The following CIDEA variants were observed in gnomAD, a reference collection of about 807,000 sequenced individuals.
The protein encoded by CIDEA is lipid transferase CIDEA.
CIDEA carries 10 observed loss-of-function variants against 18.2 expected under a neutral mutation model. That is an observed-to-expected ratio of 0.55 (90% CI 0.34 to 0.93). CIDEA has a LOEUF of 0.93. CIDEA is among the 40% of genes least tolerant of loss of function. The pLI, the probability that CIDEA is intolerant of heterozygous loss-of-function variation, is 0.02. For missense variants in CIDEA, 309 were observed against 293.1 expected (o/e 1.05, Z -0.40); for synonymous variants, 128 against 124.8 (o/e 1.03, Z -0.17).
intron 1 of CIDEA, among the ~76,000 whole-genome samples, chr18:12,255,998 G>A (rs749602934): frequency 6.6e-6 from 1 of 152,050 alleles, no homozygotes; most frequent in African/African-American, 2.4e-5. Flanking sequence ...AAATCTACCT[G>A]CTTCCAGGCT....
In CIDEA at chr18:12,255,056, G is replaced by A. The variant is rs530662116; in HGVS notation, c.38+635G>A. 14 of 700,108 alleles carry A rather than the reference G, an allele frequency of 2.0e-5. No individual in the cohort carries two copies. In the African/African-American group the frequency reaches 2.4e-4, roughly 12 times the overall value. The allele number at this position is 700,108 out of a possible 1,614,324, so 43.4% of individuals were successfully genotyped here. ...GGACAAGGGGCGGGTGGACCCTGAGGAGTCTTCCCTGCGCTTCGCACCCGC... is the reference window on the plus strand; with the variant it reads ...GGACAAGGGGCGGGTGGACCCTGAGAAGTCTTCCCTGCGCTTCGCACCCGC... On this transcript the variant is annotated intron_variant, in intron 1 of 4. Transcript: ENST00000320477.
At chr18:12,260,169 T>A (rs1266767193) in intron 1 of CIDEA, among the ~76,000 whole-genome samples, 1 of 150,948 alleles carries the variant, frequency 6.6e-6, no homozygotes, top group African/African-American at 2.5e-5. Context: ...AGGTTTTTGG[T>A]CTGTTTTTTG....
intron 1 of CIDEA, among the ~76,000 whole-genome samples, chr18:12,258,974 G>A (rs1052842076): frequency 1.3e-5 from 2 of 152,232 alleles, no homozygotes; most frequent in Non-Finnish European, 2.9e-5. Context: ...CCAGGAGTGA[G>A]AGTGTGCCCG....
intron 3 of CIDEA, among the ~76,000 whole-genome samples, chr18:12,270,867 GTTTTC>G (rs1445517649): frequency 1.1e-4 from 12 of 106,612 alleles, no homozygotes; most frequent in Admixed American, 3.5e-4. Flanking sequence ...ACCTCTGTTT[GTTTTC>G]TTTTCTTTTT....
At chr18:12,257,718 G>A (rs1205211395) in intron 1 of CIDEA, among the ~76,000 whole-genome samples, 1 of 152,180 alleles carries the variant, frequency 6.6e-6, no homozygotes, top group Admixed American at 6.5e-5. Flanking sequence ...CCTGTTAGAG[G>A]GTTATTTCCC....
Position 12,274,256 on chromosome 18 carries a change from G to T in CIDEA, c.494G>T (p.Gly165Val), listed in dbSNP as rs760460902. 1 of 1,614,144 alleles carries T rather than the reference G, an allele frequency of 6.2e-7. No homozygotes were observed. Among genetic ancestry groups the T allele is most frequent in the South Asian group, 1.1e-5 (1 of 91,068 alleles). ...GTGTCCTACGACATCCGGTGCACGGGACTCAAGGGCCTGCTGAGGTAACAC... is the reference window on the plus strand; with the variant it reads ...GTGTCCTACGACATCCGGTGCACGGTACTCAAGGGCCTGCTGAGGTAACAC... ...YSVSYDIRCT[G>V]LKGLLRSLLR... The change falls in exon 4 of 5, where the codon GGA (glycine) becomes GTA (valine). Residue 165 changes from glycine to valine, a missense_variant. Transcript: ENST00000320477.
intron 3 of CIDEA, among the ~76,000 whole-genome samples, chr18:12,267,779 G>A (rs765592613): frequency 3.3e-5 from 5 of 152,186 alleles, no homozygotes; most frequent in Non-Finnish European, 4.4e-5. Context: ...ACAGGCATGA[G>A]CCACCACACC....
intron 3 of CIDEA, among the ~76,000 whole-genome samples, chr18:12,266,464 A>G (rs1372594826): frequency 6.6e-6 from 1 of 152,190 alleles, no homozygotes. Flanking sequence ...CAAAAAATAA[A>G]AATACATTAA....
At chr18:12,268,268 C>T (rs1253210689) in intron 3 of CIDEA, among the ~76,000 whole-genome samples, 2 of 100,136 alleles carry the variant, frequency 2.0e-5, no homozygotes, top group African/African-American at 7.4e-5. Context: ...TTAGTAGAGA[C>T]GGGGTTTTGT....
chr18:12,269,234 G>A (rs1912445454), intron 3 of CIDEA, among the ~76,000 whole-genome samples: 1 of 152,202 alleles, frequency 6.6e-6, no homozygotes. Context: ...CTTAATAGAA[G>A]ATTCTTATAT....
chr18:12,274,130 G>C lies in CIDEA; in HGVS notation c.368G>C (p.Arg123Thr). The part of the protein sequence containing the change: ...QHVPTCSPPK[R>T]SGIARVTFDL... ...GTCCCCACTTGCTCGCCGCCGAAGAGGTCGGGAATAGCGAGAGTCACCTTC... is the reference window on the plus strand; with the variant it reads ...GTCCCCACTTGCTCGCCGCCGAAGACGTCGGGAATAGCGAGAGTCACCTTC... The change falls in exon 4 of 5, where the codon AGG becomes ACG. Residue 123 changes from arginine (R) to threonine (T), a missense_variant. By Grantham distance (71) the Arg-to-Thr change is moderately conservative (BLOSUM62 -1). Coordinates refer to ENST00000320477, the MANE Select transcript of CIDEA (RefSeq NM_001279.4). 1.2e-6 allele frequency: 2 copies of C among 1,614,238 alleles called. No homozygotes were observed. Among genetic ancestry groups the C allele is most frequent in the Non-Finnish European group, 1.7e-6 (2 of 1,180,050 alleles).
intron 1 of CIDEA, among the ~76,000 whole-genome samples, chr18:12,261,127 A>T (rs1326031146): frequency 6.6e-6 from 1 of 152,252 alleles, no homozygotes; most frequent in Non-Finnish European, 1.5e-5. Flanking sequence ...TCACGCCTGA[A>T]ATCCTAGCAC....
chr18:12,255,961 T>C (rs543957171), intron 1 of CIDEA, among the ~76,000 whole-genome samples: 128 of 152,354 alleles, frequency 8.4e-4, no homozygotes, highest in African/African-American at 2.9e-3. Flanking sequence ...CTACCTGTTA[T>C]GGACAAGCTG....
At chr18:12,267,860 G>A (rs764565880) in intron 3 of CIDEA, among the ~76,000 whole-genome samples, 8 of 151,974 alleles carry the variant, frequency 5.3e-5, no homozygotes, top group Admixed American at 3.3e-4. Context: ...TTTGTCCCTT[G>A]GGGGACATTT....
At position 12,274,105 on chromosome 18, in the gene CIDEA, G is replaced by T. The variant is rs11545881; in HGVS notation, c.343G>T (p.Val115Phe). 0.36 allele frequency: 581,906 copies of T among 1,613,728 alleles called. 107,890 individuals carry two copies. Among genetic ancestry groups the T allele is most frequent in the East Asian group, 0.51 (23,053 of 44,854 alleles). Residue 115 changes from valine to phenylalanine, a missense_variant, in exon 4 of 5, where the codon GTC (valine) becomes TTC (phenylalanine). Val to Phe is a conservative substitution (Grantham distance 50, BLOSUM62 -1). Coordinates refer to ENST00000320477, the MANE Select transcript of CIDEA (RefSeq NM_001279.4). ...CCCATTGTCACAGGGCAGCCAGCAC[G>T]TCCCCACTTGCTCGCCGCCGAAGAG... ...GQKWMPGSQH[V>F]PTCSPPKRSG...
intron 1 of CIDEA, among the ~76,000 whole-genome samples, chr18:12,261,306 C>A (rs1325763014): frequency 6.6e-6 from 1 of 152,042 alleles, no homozygotes; most frequent in Non-Finnish European, 1.5e-5. Context: ...ATTGCTTGAA[C>A]CCAGGAGGCG....
At chr18:12,274,953 C>T (rs1912664842) in intron 4 of CIDEA, among the ~76,000 whole-genome samples, 1 of 152,234 alleles carries the variant, frequency 6.6e-6, no homozygotes, top group African/African-American at 2.4e-5. Flanking sequence ...CACCAGCAGT[C>T]CCTGCTCTAA....
At position 12,277,180 on chromosome 18, in the gene CIDEA, T is replaced by C; in HGVS notation, c.570T>C (p.Tyr190=). The C allele has an allele frequency of 6.2e-7, 1 of 1,614,160 alleles. No individual in the cohort carries two copies. The highest frequency in any genetic ancestry group is 1.1e-5 in the South Asian group (1 of 91,078). Residue 190 remains tyrosine, a synonymous_variant, in exon 5 of 5, where the codon TAT becomes TAC. Coordinates refer to ENST00000320477, the MANE Select transcript of CIDEA (RefSeq NM_001279.4). ...AGGTGACGGGACAGTTTCTCATCTA[T>C]CTGGGCACATACATGCTCCGGGTGC... ...SAQVTGQFLI[Y]LGTYMLRVLD...
In CIDEA at chr18:12,258,802, G is replaced by C. The variant is rs565657140; in HGVS notation, c.39-4023G>C. Among the ~76,000 whole-genome samples the C allele has an allele frequency of 3.9e-5, 6 of 152,360 alleles. No homozygotes were observed. The East Asian group carries it at 1.2e-3, about 29-fold the overall frequency. Reference sequence around the variant, plus strand: ...AGGCAAGGCGCTAGCTCTCACACACGAGGGTTTGGCATCCAGCGGCACTTG... The same window carrying C: ...AGGCAAGGCGCTAGCTCTCACACACCAGGGTTTGGCATCCAGCGGCACTTG... On this transcript the variant is annotated intron_variant, in intron 1 of 4. Coordinates refer to ENST00000320477, the MANE Select transcript of CIDEA (RefSeq NM_001279.4).
Sources: gnomAD v4.1 joint callset for allele counts (sites outside exome capture counted in the v4.1 genomes callset) on GRCh38, gnomAD v4.1.1 for gene constraint, MANE v1.5 for transcripts, NCBI Gene and HGNC (gene_info 2026-07-23, HGNC 2026-07-21) for gene names.